Variants in TJP1 observed in about 807,000 individuals in gnomAD.
The protein encoded by TJP1 is tight junction protein ZO-1.
Under a neutral mutation model 194.2 loss-of-function variants are expected in TJP1, and 43 were observed. The ratio of observed to expected loss-of-function variants is 0.22; its 90% CI spans 0.17 to 0.29. The LOEUF (loss-of-function observed/expected upper bound fraction) is 0.29, where lower values mean the gene tolerates loss of function less well. Ranked by LOEUF, TJP1 falls within the 10% of genes least tolerant of loss-of-function variation. The pLI is 1.00. For missense variants in TJP1, 1,971 were observed against 2,185.7 expected, an observed-to-expected ratio of 0.90 and a Z score of 1.96; for synonymous variants, 801 against 779.0, an observed-to-expected ratio of 1.03 and a Z score of -0.47.
chr15:29,816,031 G>C (rs1192388042), intron 1 of TJP1, among the ~76,000 whole-genome samples: 3 of 148,032 alleles, frequency 2.0e-5, no homozygotes, highest in African/African-American at 7.5e-5. Context: ...TTTTTTTTGA[G>C]ACAGACTCTC....
At chr15:29,812,907 CTTGA>C (rs994125338) in intron 1 of TJP1, among the ~76,000 whole-genome samples, 1 of 152,064 alleles carries the variant, frequency 6.6e-6, no homozygotes, top group African/African-American at 2.4e-5. Context: ...TGGCTACTGA[CTTGA>C]TTTTTATAGG....
intron 26 of TJP1, among the ~76,000 whole-genome samples, chr15:29,704,878 G>C (rs888260006): frequency 1.3e-5 from 2 of 152,206 alleles, no homozygotes; most frequent in African/African-American, 2.4e-5. Context: ...TCAGAGTACA[G>C]AATCAGATGT....
intron 2 of TJP1, among the ~76,000 whole-genome samples, chr15:29,842,805 C>T (rs1393502428): frequency 3.3e-5 from 5 of 152,180 alleles, no homozygotes; most frequent in Non-Finnish European, 7.4e-5. Context: ...AAGTTTCCTT[C>T]AGTTACCCCT....
chr15:29,716,390 G>A (rs1246974603), intron 23 of TJP1, among the ~76,000 whole-genome samples: 1 of 152,196 alleles, frequency 6.6e-6, no homozygotes, highest in Non-Finnish European at 1.5e-5. Context: ...TCAAAACCCT[G>A]TGATGTTAGC....
chr15:29,882,549 A>C (rs555965479), intron 2 of TJP1, among the ~76,000 whole-genome samples: 1 of 152,198 alleles, frequency 6.6e-6, no homozygotes, highest in Non-Finnish European at 1.5e-5. Context: ...CATACACAAT[A>C]AGAGAGTATG....
intron 2 of TJP1, among the ~76,000 whole-genome samples, chr15:29,833,208 T>C (rs1381956241): frequency 6.6e-6 from 1 of 152,080 alleles, no homozygotes; most frequent in Non-Finnish European, 1.5e-5. Context: ...TAAAAGAAAA[T>C]ACCAAAACAT....
intron 2 of TJP1, among the ~76,000 whole-genome samples, chr15:29,951,797 T>G (rs1208213517): frequency 6.6e-6 from 1 of 152,230 alleles, no homozygotes; most frequent in Non-Finnish European, 1.5e-5. Context: ...CTTTTTGTAG[T>G]ATTTTTCTGT....
chr15:29,927,324 A>G (rs1482254298), intron 2 of TJP1, among the ~76,000 whole-genome samples: 1 of 152,220 alleles, frequency 6.6e-6, no homozygotes, highest in African/African-American at 2.4e-5. Context: ...TGCCTCAAAA[A>G]AAGGAAGGAA....
At chr15:29,853,875 A>T (rs564470116) in intron 2 of TJP1, among the ~76,000 whole-genome samples, 1 of 152,182 alleles carries the variant, frequency 6.6e-6, no homozygotes, top group Non-Finnish European at 1.5e-5. Context: ...TCTGCATTAC[A>T]TGGGAATAAA....
intron 2 of TJP1, among the ~76,000 whole-genome samples, chr15:29,792,702 A>C (rs2048172759): frequency 6.6e-6 from 1 of 152,200 alleles, no homozygotes; most frequent in East Asian, 1.9e-4. Flanking sequence ...TAGTGTGGAC[A>C]TTTTAACAAC....
intron 16 of TJP1, 24 bp from the exon 17 acceptor site, chr15:29,727,015 T>C (rs762063295): frequency 4.4e-6 from 7 of 1,596,032 alleles, no homozygotes; most frequent in African/African-American, 2.7e-5. Context: ...GAAAAATATA[T>C]ACAAAGACAC....
chr15:29,801,619 G>A (rs1187069326), intron 1 of TJP1, among the ~76,000 whole-genome samples: 2 of 151,226 alleles, frequency 1.3e-5, no homozygotes, highest in African/African-American at 2.4e-5. Context: ...CCGCCACTAC[G>A]CCCGGCTAAT....
chr15:29,913,997 A>T (rs1017281419), intron 2 of TJP1, among the ~76,000 whole-genome samples: 5 of 152,172 alleles, frequency 3.3e-5, no homozygotes, highest in African/African-American at 1.2e-4. Flanking sequence ...CGCTCTCCGG[A>T]GGCTTGCTTT....
chr15:29,968,218 A>G (rs756292964), intron 1 of TJP1: 72 of 985,302 alleles, frequency 7.3e-5, no homozygotes, highest in Non-Finnish European at 8.3e-5. Context: ...TCTACTATGC[A>G]CTCAGCAGCA....
At chr15:29,904,056 A>T (rs2053723852) in intron 2 of TJP1, among the ~76,000 whole-genome samples, 1 of 151,984 alleles carries the variant, frequency 6.6e-6, no homozygotes. Flanking sequence ...CACCAGCTGA[A>T]CTCCTTCAGG....
At chr15:29,806,431 T>A (rs561467758) in intron 1 of TJP1, among the ~76,000 whole-genome samples, 5 of 152,160 alleles carry the variant, frequency 3.3e-5, no homozygotes, top group African/African-American at 1.2e-4. Context: ...TAATAAAATT[T>A]CCACAAATCT....
chr15:29,896,204 G>C (rs1239795134), intron 2 of TJP1, among the ~76,000 whole-genome samples: 1 of 152,176 alleles, frequency 6.6e-6, no homozygotes, highest in Non-Finnish European at 1.5e-5. Context: ...TGTGTCATAG[G>C]AGGAACCCCA....
At chr15:29,773,915 T>A (rs1335743370) in intron 2 of TJP1, among the ~76,000 whole-genome samples, 2 of 152,224 alleles carry the variant, frequency 1.3e-5, no homozygotes, top group Non-Finnish European at 2.9e-5. Context: ...ATTGTAAAAT[T>A]ACCTTTTTAA....
intron 1 of TJP1, among the ~76,000 whole-genome samples, chr15:29,966,224 C>T (rs528734346): frequency 6.6e-5 from 10 of 152,178 alleles, no homozygotes; most frequent in African/African-American, 1.4e-4. Flanking sequence ...TAAACTGGCC[C>T]GCGCGCAGTG....
Sources: gnomAD v4.1 joint callset for allele counts (sites outside exome capture counted in the v4.1 genomes callset) on GRCh38, gnomAD v4.1.1 for gene constraint, MANE v1.5 for transcripts, NCBI Gene and HGNC (gene_info 2026-07-23, HGNC 2026-07-21) for gene names.